RARA: variants seen among roughly 807,000 people sequenced by gnomAD.
The protein encoded by RARA is retinoic acid receptor alpha.
In RARA, 5 loss-of-function variants were observed where a neutral mutation model predicts 42.8. The ratio of observed to expected loss-of-function variants is 0.12; its 90% confidence interval spans 0.06 to 0.25. RARA has a LOEUF of 0.25. RARA is among the 10% of genes least tolerant of loss of function. The pLI is 1.00. For synonymous variants in RARA, 256 were observed against 259.5 expected, an observed-to-expected ratio of 0.99 and a Z score of 0.13; for missense variants, 402 against 628.7, an observed-to-expected ratio of 0.64 and a Z score of 3.86.
At position 40,349,919 on chromosome 17, in the gene RARA, A is replaced by G; in HGVS notation, c.463A>G (p.Lys155Glu). ...LQKCFEVGMS[K>E]ESVRNDRNKK... ...GAAGTGCTTTGAAGTGGGCATGTCC[A>G]AGGAGTGTGAGTGCCATAGGGCAGG... The change falls in exon 4 of 9, where the codon AAG becomes GAG. Residue 155 changes from lysine (K) to glutamate (E), a missense_variant. This residue lies in a region of RARA where 130 missense variants were observed against 267.9 expected (regional missense o/e 0.49). Transcript: ENST00000254066. 2 of 1,614,106 alleles carry G rather than the reference A, an allele frequency of 1.2e-6. No individual in the cohort carries two copies. Among genetic ancestry groups the G allele is most frequent in the South Asian group, 1.1e-5 (1 of 91,082 alleles).
Position 40,355,878 on chromosome 17 carries a change from CAAAG to C in RARA, c.1172-128_1172-125del, listed in dbSNP as rs1211828080. On this transcript the variant is annotated intron_variant, in intron 8 of 8. Transcript: ENST00000254066. The surrounding 1 kb of genome is among the most constrained non-coding windows in gnomAD (Gnocchi z 4.1). ...GGGGCTTAAGAGAGCTGGCTCGTGT[CAAAG>C]AACTGAATCCCAAGAAAGATGCTAA... 2 of 883,210 alleles carry C rather than the reference CAAAG, an allele frequency of 2.3e-6. No individual in the cohort carries two copies. Among genetic ancestry groups the C allele is most frequent in the African/African-American group, 3.4e-5 (2 of 58,894 alleles). The allele number at this position is 883,210 out of a possible 1,614,324, so 54.7% of individuals were successfully genotyped here.
At position 40,333,762 on chromosome 17, in the gene RARA, G is replaced by A. The variant is rs566958194; in HGVS notation, c.178+2366G>A. The stretch of plus-strand genomic sequence containing the variant: ...AGGCGTTCTACTGCCTCAGCCTCTC[G>A]AGTAGCTGGGACTACAGGTGCGTGC... On this transcript the variant is annotated intron_variant, in intron 2 of 8. Coordinates refer to ENST00000254066, the MANE Select transcript of RARA (RefSeq NM_000964.4). Among the ~76,000 whole-genome samples, 11 of 151,844 alleles carry A rather than the reference G, an allele frequency of 7.2e-5. No homozygotes were observed. The South Asian group carries it at 2.1e-3, about 29-fold the overall frequency.
At chr17:40,350,121 A>G (rs2034394706) in intron 4 of RARA, 196 bp downstream of exon 4, 1 of 785,740 alleles carries the variant, frequency 1.3e-6, no homozygotes, top group East Asian at 2.8e-5. Context: ...CTGTGTGTCC[A>G]CGGGCAGGTC....
intron 1 of RARA, among the ~76,000 whole-genome samples, chr17:40,321,561 A>G (rs1367857016): frequency 2.0e-5 from 3 of 152,156 alleles, no homozygotes; most frequent in African/African-American, 7.2e-5. Flanking sequence ...AGCACACATC[A>G]TGAGGGCCAG....
Position 40,331,093 on chromosome 17 carries a change from G to T in RARA, c.-126G>T, listed in dbSNP as rs1427959722. Reference sequence around the variant, plus strand: ...TCTTTGGACAGCAGCTCCAGGACAGGGCGGGTGGGCTGACCACCCAAACCC... The same window carrying T: ...TCTTTGGACAGCAGCTCCAGGACAGTGCGGGTGGGCTGACCACCCAAACCC... On this transcript the variant is annotated 5_prime_UTR_variant, in exon 2 of 9. Transcript: ENST00000254066. 19 of 1,112,808 alleles carry T rather than the reference G, an allele frequency of 1.7e-5. No homozygotes were observed. Among genetic ancestry groups the T allele is most frequent in the Non-Finnish European group, 2.0e-5 (16 of 789,890 alleles). 68.9% of individuals were successfully genotyped at this position (1,112,808 alleles called of 1,614,324 possible). A position where few individuals can be genotyped will look rare whatever the true frequency, so the allele number is the denominator to read the frequency against.
intron 1 of RARA, among the ~76,000 whole-genome samples, chr17:40,325,252 AAAAT>A (rs10689341): frequency 0.04 from 5,698 of 141,564 alleles, 118 homozygotes; most frequent in African/African-American, 0.06. Flanking sequence ...CTCCATCTCA[AAAAT>A]AAATAAATAA....
chr17:40,331,159 G>A lies in RARA; in HGVS notation c.-60G>A. 1.3e-6 allele frequency: 2 copies of A among 1,508,642 alleles called. No homozygotes were observed. Among genetic ancestry groups the A allele is most frequent in the Non-Finnish European group, 1.8e-6 (2 of 1,120,884 alleles). The allele number at this position is 1,508,642 out of a possible 1,614,324, so 93.5% of individuals were successfully genotyped here. ...CCCATGCCCCGAGGAGGGGTGGTCT[G>A]AAGCCCACCAGAGCCCCCTGCCAGA... On this transcript the variant is annotated 5_prime_UTR_variant, in exon 2 of 9. The change abolishes the stop of an existing upstream ORF in the 5' untranslated region. Transcript: ENST00000254066.
intron 1 of RARA, 116 bp downstream of exon 1, chr17:40,309,402 T>TCGCTCA (rs2033053789): frequency 6.6e-6 from 1 of 152,536 alleles, no homozygotes; most frequent in Non-Finnish European, 1.5e-5. Flanking sequence ...TCCTCTCCCG[T>TCGCTCA]CGCTCACTGT....
In RARA at chr17:40,355,312, G is replaced by A. The variant is rs1415019868; in HGVS notation, c.1062G>A (p.Pro354=). 1.9e-6 allele frequency: 3 copies of A among 1,606,500 alleles called. No homozygotes were observed. Among genetic ancestry groups the A allele is most frequent in the African/African-American group, 1.3e-5 (1 of 74,890 alleles). Residue 354 remains proline (P), a synonymous_variant, in exon 8 of 9, where the codon CCG becomes CCA. Transcript: ENST00000254066. This position sits in a 1 kb window ranked among gnomAD's most constrained non-coding sequence, Gnocchi z 4.1. ...QPDRVDMLQE[P]LLEALKVYVR... ...ACCGGGTGGACATGCTGCAGGAGCCGCTGCTGGAGGCGCTAAAGGTCTACG... is the reference window on the plus strand; with the variant it reads ...ACCGGGTGGACATGCTGCAGGAGCCACTGCTGGAGGCGCTAAAGGTCTACG...
intron 1 of RARA, among the ~76,000 whole-genome samples, chr17:40,314,057 G>T (rs2033145275): frequency 6.6e-6 from 1 of 152,006 alleles, no homozygotes; most frequent in South Asian, 2.1e-4. Flanking sequence ...TACTAGGCTG[G>T]TCTTAACATG....
Position 40,351,446 on chromosome 17 carries a change from G to A in RARA, c.470-464G>A. ...CCGCCAGGTCCCCCACTCTCAGGCT[G>A]GGGAGCCCTACTCCCCACTTGCCCC... On this transcript the variant is annotated intron_variant, in intron 4 of 8. Coordinates refer to ENST00000254066, the MANE Select transcript of RARA (RefSeq NM_000964.4). This position sits in a 1 kb window ranked among gnomAD's most constrained non-coding sequence, Gnocchi z 4.1. The A allele has an allele frequency of 2.1e-6, 1 of 470,916 alleles. No homozygotes were observed. Among genetic ancestry groups the A allele is most frequent in the South Asian group, 1.6e-5 (1 of 64,358 alleles). 29.2% of individuals were successfully genotyped at this position (470,916 alleles called of 1,614,324 possible).
chr17:40,341,315 G>A (rs771598413), intron 2 of RARA: 6 of 1,387,414 alleles, frequency 4.3e-6, no homozygotes, highest in Non-Finnish European at 5.6e-6. Context: ...GCGTGGGGAG[G>A]AGGGCCCCCT....
chr17:40,356,506 G>T lies in RARA; in HGVS notation c.*280G>T. On this transcript the variant is annotated 3_prime_UTR_variant, in exon 9 of 9. Transcript: ENST00000254066. ...CTGGGTCTCAGGATGGGTCCTGGGG[G>T]CCTCGTGTTCATCAAGACACCCCTC... 1.5e-6 allele frequency: 1 copy of T among 668,930 alleles called. No homozygotes were observed. The highest frequency in any genetic ancestry group is 1.5e-5 in the South Asian group (1 of 66,456). The allele number at this position is 668,930 out of a possible 1,614,324, so 41.4% of individuals were successfully genotyped here. A position where few individuals can be genotyped will look rare whatever the true frequency, so the allele number is the denominator to read the frequency against.
chr17:40,352,474 C>T lies in RARA; in HGVS notation c.774C>T (p.Ile258=), dbSNP rs756853250. ...GFTTLTIADQ[I]TLLKAACLDI... ...CCACCCTCACCATCGCCGACCAGAT[C>T]ACCCTCCTCAAGGCTGCCTGCCTGG... The change falls in exon 6 of 9, where the codon ATC becomes ATT. Residue 258 remains isoleucine (I), a synonymous_variant. Transcript: ENST00000254066. The surrounding 1 kb of genome is among the most constrained non-coding windows in gnomAD (Gnocchi z 4.9). 3 of 1,612,762 alleles carry T rather than the reference C, an allele frequency of 1.9e-6. No individual in the cohort carries two copies. Among genetic ancestry groups the T allele is most frequent in the African/African-American group, 2.7e-5 (2 of 74,912 alleles).
At position 40,357,144 on chromosome 17, in the gene RARA, C is replaced by G. The variant is rs2143560638; in HGVS notation, c.*918C>G. Reference sequence around the variant, plus strand: ...CCATGAGGCATGGAGCAGGGCAGAGCAAGGGCCCCGGGACAGAGTTTTCCC... The same window carrying G: ...CCATGAGGCATGGAGCAGGGCAGAGGAAGGGCCCCGGGACAGAGTTTTCCC... On this transcript the variant is annotated 3_prime_UTR_variant, in exon 9 of 9. Coordinates refer to ENST00000254066, the MANE Select transcript of RARA (RefSeq NM_000964.4). 4.1e-6 allele frequency: 1 copy of G among 245,192 alleles called. No homozygotes were observed. The allele number at this position is 245,192 out of a possible 1,614,324, so 15.2% of individuals were successfully genotyped here.
chr17:40,353,331 CCTAGGCTGGAGGGAGCA>C (rs959771783), intron 6 of RARA, among the ~76,000 whole-genome samples: 1 of 152,134 alleles, frequency 6.6e-6, no homozygotes, highest in African/African-American at 2.4e-5. Flanking sequence ...ACTGCCAAAG[CCTAGGCTGGAGGGAGCA>C]CTCTCCTTCC....
chr17:40,316,587 T>C (rs897894974), intron 1 of RARA, among the ~76,000 whole-genome samples: 3 of 152,138 alleles, frequency 2.0e-5, no homozygotes, highest in Non-Finnish European at 4.4e-5. Flanking sequence ...AGGATCTAGG[T>C]TGGGAGGTGT....
At chr17:40,330,388 GAA>G (rs768806712) in intron 1 of RARA, among the ~76,000 whole-genome samples, 143 of 152,284 alleles carry the variant, frequency 9.4e-4, no homozygotes, top group Non-Finnish European at 1.6e-3. Context: ...ATCTGGGGGG[GAA>G]GTGGTGTAAG....
At chr17:40,342,890 G>C (rs768088117) in intron 2 of RARA, 2 of 1,602,614 alleles carry the variant, frequency 1.2e-6, no homozygotes, top group African/African-American at 2.7e-5. Context: ...CTCTCAGTCT[G>C]CTGTTGTAGG....
Sources: gnomAD v4.1 joint callset for allele counts (sites outside exome capture counted in the v4.1 genomes callset) on GRCh38, gnomAD v4.1.1 for gene constraint, gnomAD v4.1.1 regional missense constraint, Gnocchi (gnomAD v3.1) non-coding constraint, MANE v1.5 for transcripts, NCBI Gene and HGNC (gene_info 2026-07-23, HGNC 2026-07-21) for gene names.